ZCCHC4: variants seen among roughly 807,000 people sequenced by gnomAD.
ZCCHC4 encodes the protein zinc finger CCHC-type containing 4.
In ZCCHC4, 54 loss-of-function variants were observed where a neutral mutation model predicts 67.7. That is an observed-to-expected ratio of 0.80 (90% CI 0.64 to 1.00). ZCCHC4 has a LOEUF of 1.00. Among genes scored for constraint, ZCCHC4 ranks in the 50% least tolerant of loss-of-function variants. The pLI is 0.00. For synonymous variants in ZCCHC4, 198 were observed against 213.5 expected (o/e 0.93, Z 0.63); for missense variants, 609 against 617.0 (o/e 0.99, Z 0.14).
At chr4:25,365,392 A>C in intron 12 of ZCCHC4, 2 of 1,330,740 alleles carry the variant, frequency 1.5e-6, no homozygotes, top group Non-Finnish European at 9.6e-7. Flanking sequence ...AATAACCAAA[A>C]TATGAGGTAG....
At chr4:25,345,402 C>T (rs949225104) in intron 5 of ZCCHC4, 146 bp from the exon 6 acceptor site, 1 of 610,940 alleles carries the variant, frequency 1.6e-6, no homozygotes. Flanking sequence ...TTACAGATTC[C>T]CTGAAATTTT....
Position 25,345,632 on chromosome 4 carries a change from G to T in ZCCHC4, c.759+12G>T. 2 of 1,520,912 alleles carry T rather than the reference G, an allele frequency of 1.3e-6. No individual in the cohort carries two copies. Among genetic ancestry groups the T allele is most frequent in the South Asian group, 2.3e-5 (2 of 86,576 alleles). 94.2% of individuals were successfully genotyped at this position (1,520,912 alleles called of 1,614,324 possible). A position where few individuals can be genotyped will look rare whatever the true frequency, so the allele number is the denominator to read the frequency against. On this transcript the variant is annotated intron_variant, in intron 6 of 12. Coordinates refer to ENST00000302874, the MANE Select transcript of ZCCHC4 (RefSeq NM_024936.3). ...TCTTTGATGGAAAGGTAAGAGCTGT[G>T]ACCATTATCTCATTGTTCTCTTATT...
rs1255625237 is a variant in ZCCHC4 at position 25,321,186 on chromosome 4, TTCTC to T, written c.329+5792_329+5795del. ...TTTCTCTGTCTGTCTCTTTCTTTCTTTCTCTCTCTTTCACTCTTGCTGCCGCTCT... is the reference window on the plus strand; with the variant it reads ...TTTCTCTGTCTGTCTCTTTCTTTCTTTCTCTTTCACTCTTGCTGCCGCTCT... On this transcript the variant is annotated intron_variant, in intron 3 of 12. Transcript: ENST00000302874. 7.9e-5 allele frequency among the ~76,000 whole-genome samples: 12 copies of T among 152,282 alleles called. No homozygotes were observed. The East Asian group carries it at 2.1e-3, about 27-fold the overall frequency.
In ZCCHC4 at chr4:25,342,182, A is replaced by C. The variant is rs182292147; in HGVS notation, c.687-3366A>C. Reference sequence around the variant, plus strand: ...TTTATTGAGACACATAAGTTGCTGGAATGCTCTGAGGCTGGTTACCTGTAT... The same window carrying C: ...TTTATTGAGACACATAAGTTGCTGGCATGCTCTGAGGCTGGTTACCTGTAT... On this transcript the variant is annotated intron_variant, in intron 5 of 12. Transcript: ENST00000302874. Among the ~76,000 whole-genome samples, 4 of 152,264 alleles carry C rather than the reference A, an allele frequency of 2.6e-5. No homozygotes were observed. In the East Asian group the frequency reaches 7.7e-4, roughly 29 times the overall value.
At chr4:25,364,565 C>G in intron 11 of ZCCHC4, 60 bp downstream of exon 11, 1 of 1,364,014 alleles carries the variant, frequency 7.3e-7, no homozygotes, top group African/African-American at 1.5e-5. Context: ...TTTTCTCCAT[C>G]TAAATAGATT....
chr4:25,331,835 T>G (rs1415152117), intron 3 of ZCCHC4, among the ~76,000 whole-genome samples: 1 of 152,226 alleles, frequency 6.6e-6, no homozygotes, highest in African/African-American at 2.4e-5. Context: ...AATAGAAACA[T>G]TTAAATTACC....
intron 6 of ZCCHC4, among the ~76,000 whole-genome samples, chr4:25,347,585 G>A (rs1344775674): frequency 6.6e-6 from 1 of 152,172 alleles, no homozygotes; most frequent in Non-Finnish European, 1.5e-5. Flanking sequence ...CCTACTCCCA[G>A]AGTCAAGTTT....
At chr4:25,356,094 G>A (rs950726774) in intron 8 of ZCCHC4, among the ~76,000 whole-genome samples, 5 of 152,158 alleles carry the variant, frequency 3.3e-5, no homozygotes, top group East Asian at 1.9e-4. Context: ...AGACATTTGC[G>A]TATAGATAAA....
At chr4:25,348,948 G>A (rs559276627) in intron 6 of ZCCHC4, among the ~76,000 whole-genome samples, 12 of 152,252 alleles carry the variant, frequency 7.9e-5, no homozygotes, top group Non-Finnish European at 1.0e-4. Flanking sequence ...GCGCTTTGTC[G>A]TTTGTGAACT....
chr4:25,350,468 C>G (rs560942114), intron 7 of ZCCHC4, among the ~76,000 whole-genome samples: 9 of 152,050 alleles, frequency 5.9e-5, no homozygotes, highest in African/African-American at 2.2e-4. Flanking sequence ...AGGGTTTTGC[C>G]ATGTTGGCCA....
Position 25,333,908 on chromosome 4 carries a change from G to A in ZCCHC4, c.606G>A (p.Arg202=), listed in dbSNP as rs374325357. 17 of 1,585,038 alleles carry A rather than the reference G, an allele frequency of 1.1e-5. No individual in the cohort carries two copies. The African/African-American group carries it at 1.5e-4, about 14-fold the overall frequency. The change falls in exon 5 of 13, where the codon AGG becomes AGA. Residue 202 remains arginine, a splice_region_variant and synonymous_variant. Coordinates refer to ENST00000302874, the MANE Select transcript of ZCCHC4 (RefSeq NM_024936.3). ...CATTTGCTTTCACTAATTGCTTTAGGTTGCATGAGCTGATCAAGTTGACAG... is the reference window on the plus strand; with the variant it reads ...CATTTGCTTTCACTAATTGCTTTAGATTGCATGAGCTGATCAAGTTGACAG... ...FRRVLCVGTP[R]LHELIKLTAS... is the part of the protein sequence containing the mutation.
At chr4:25,346,038 C>G (rs1027114015) in intron 6 of ZCCHC4, among the ~76,000 whole-genome samples, 10 of 152,170 alleles carry the variant, frequency 6.6e-5, no homozygotes, top group African/African-American at 2.2e-4. Flanking sequence ...ATAACCTCCA[C>G]TCATGTTTTA....
At chr4:25,349,768 AG>A in intron 7 of ZCCHC4, 126 bp downstream of exon 7, 1 of 992,326 alleles carries the variant, frequency 1.0e-6, no homozygotes, top group Non-Finnish European at 1.5e-6. Context: ...TTTTAAAAAC[AG>A]GCTTATTTGA....
chr4:25,345,398 A>G, intron 5 of ZCCHC4, 150 bp from the exon 6 acceptor site: 1 of 611,116 alleles, frequency 1.6e-6, no homozygotes. Flanking sequence ...ACTGTTACAG[A>G]TTCCCTGAAA....
In ZCCHC4 at chr4:25,369,353, C is replaced by T; in HGVS notation, c.*189C>T. 1 of 621,394 alleles carries T rather than the reference C, an allele frequency of 1.6e-6. No individual in the cohort carries two copies. Among genetic ancestry groups the T allele is most frequent in the Non-Finnish European group, 2.7e-6 (1 of 375,208 alleles). The allele number at this position is 621,394 out of a possible 1,614,324, so 38.5% of individuals were successfully genotyped here. On this transcript the variant is annotated 3_prime_UTR_variant, in exon 13 of 13. Coordinates refer to ENST00000302874, the MANE Select transcript of ZCCHC4 (RefSeq NM_024936.3). ...CTCTCTGGAGACATGGGGAGTTGTT[C>T]CATCTTCAGCCAGTTTACTAGTTCT...
intron 5 of ZCCHC4, among the ~76,000 whole-genome samples, chr4:25,338,375 G>A (rs1233069219): frequency 6.6e-6 from 1 of 152,224 alleles, no homozygotes; most frequent in Non-Finnish European, 1.5e-5. Flanking sequence ...ATTACAGGGT[G>A]TGAGCCATCA....
intron 12 of ZCCHC4, among the ~76,000 whole-genome samples, chr4:25,366,567 T>C (rs556242076): frequency 1.8e-4 from 28 of 152,242 alleles, no homozygotes; most frequent in Middle Eastern, 3.4e-3. Context: ...CTGCCTGCCT[T>C]GGCCTCCCCA....
At chr4:25,341,234 G>T (rs148978368) in intron 5 of ZCCHC4, among the ~76,000 whole-genome samples, 3 of 152,300 alleles carry the variant, frequency 2.0e-5, no homozygotes, top group Non-Finnish European at 4.4e-5. Context: ...GCTATTAGTA[G>T]TTAAGTTTTT....
chr4:25,362,096 A>AT, intron 9 of ZCCHC4, 116 bp downstream of exon 9: 1 of 1,462,604 alleles, frequency 6.8e-7, no homozygotes, highest in Non-Finnish European at 9.2e-7. Context: ...CTTTTAAATT[A>AT]GGTCCATAAT....
Sources: allele counts gnomAD v4.1 joint callset (sites outside exome capture counted in the v4.1 genomes callset), GRCh38; gene constraint gnomAD v4.1.1; transcripts MANE v1.5; gene names NCBI Gene and HGNC (gene_info 2026-07-23, HGNC 2026-07-21).